SLC5A5: variants seen among roughly 807,000 people sequenced by gnomAD.
The protein encoded by SLC5A5 is solute carrier family 5 member 5, also known as sodium/iodide cotransporter.
In SLC5A5, 56 loss-of-function variants were observed where a neutral mutation model predicts 68.6. That is an observed-to-expected ratio of 0.82 (90% confidence interval 0.66 to 1.02). The LOEUF (loss-of-function observed/expected upper bound fraction) is 1.02. Among genes scored for constraint, SLC5A5 ranks in the 50% least tolerant of loss-of-function variants. SLC5A5 has a pLI of 0.00. For synonymous variants in SLC5A5, 398 were observed against 373.0 expected (o/e 1.07, Z -0.77); for missense variants, 807 against 859.8 (o/e 0.94, Z 0.77).
Position 17,882,083 on chromosome 19 carries a change from G to C in SLC5A5, c.1171+11G>C. ...TCTCCAAGGGGCTCTGTGAGTTTCA[G>C]GGAGACCTGGGTGGGAGGCCAGGGC... On this transcript the variant is annotated intron_variant, in intron 9 of 14. Coordinates refer to ENST00000222248, the MANE Select transcript of SLC5A5 (RefSeq NM_000453.3). The C allele has an allele frequency of 6.2e-7, 1 of 1,613,028 alleles. No individual in the cohort carries two copies. Among genetic ancestry groups the C allele is most frequent in the Non-Finnish European group, 8.5e-7 (1 of 1,178,960 alleles).
intron 8 of SLC5A5, 152 bp downstream of exon 8, chr19:17,881,105 TG>T (rs2094319818): frequency 2.8e-6 from 2 of 716,972 alleles, no homozygotes; most frequent in East Asian, 5.4e-5. Context: ...AGGTAGGCGC[TG>T]GCAGAGAGCA....
intron 12 of SLC5A5, 76 bp downstream of exon 12, chr19:17,884,122 A>G: frequency 1.6e-6 from 2 of 1,282,096 alleles, no homozygotes; most frequent in Non-Finnish European, 2.2e-6. Flanking sequence ...CTTGCCCTGC[A>G]CTCTGTGTAA....
Position 17,876,830 on chromosome 19 carries a change from C to G in SLC5A5, c.698+724C>G, listed in dbSNP as rs143445042. On this transcript the variant is annotated intron_variant, in intron 5 of 14. Coordinates refer to ENST00000222248, the MANE Select transcript of SLC5A5 (RefSeq NM_000453.3). Reference sequence around the variant, plus strand: ...TGAGCCGAGATGGCATCACTGCACTCCCGCCTGGTGACAGAGAGAGACTCC... The same window carrying G: ...TGAGCCGAGATGGCATCACTGCACTGCCGCCTGGTGACAGAGAGAGACTCC... 4.7e-4 allele frequency among the ~76,000 whole-genome samples: 72 copies of G among 151,626 alleles called. 2 individuals are homozygous for G. In the East Asian group the frequency reaches 0.012, roughly 24 times the overall value.
rs1280752726 is a variant in SLC5A5 at position 17,877,731 on chromosome 19, C to G, written c.707C>G (p.Pro236Arg). ...GCCCTGTCCCCACCCAGCTTTAACC[C>G]TGACCCGAGGAGCCGCTATACATTC... ...HSRINLMDFNPDPRSRYTFWT... is the reference protein window; with the variant it reads ...HSRINLMDFNRDPRSRYTFWT... Residue 236 changes from proline to arginine, a missense_variant, in exon 6 of 15, where the codon CCT becomes CGT. Transcript: ENST00000222248. 5.0e-6 allele frequency: 8 copies of G among 1,614,010 alleles called. No individual in the cohort carries two copies. The highest frequency in any genetic ancestry group is 2.7e-5 in the African/African-American group (2 of 74,946).
At chr19:17,890,030 G>C (rs2030103339) in intron 13 of SLC5A5, among the ~76,000 whole-genome samples, 1 of 152,100 alleles carries the variant, frequency 6.6e-6, no homozygotes, top group African/African-American at 2.4e-5. Context: ...ATGGAACCGT[G>C]TGCTGGACCC....
intron 12 of SLC5A5, among the ~76,000 whole-genome samples, chr19:17,886,942 G>T (rs910829436): frequency 1.3e-5 from 2 of 151,996 alleles, no homozygotes; most frequent in African/African-American, 4.8e-5. Flanking sequence ...GGGCATGGTG[G>T]TGCACACTTG....
At chr19:17,892,748 G>A (rs533255877) in intron 14 of SLC5A5, among the ~76,000 whole-genome samples, 68 of 148,068 alleles carry the variant, frequency 4.6e-4, no homozygotes, top group Non-Finnish European at 5.1e-4. Context: ...AATATTCAAA[G>A]GATAATAAAA....
chr19:17,876,425 T>TAAAAAAAAA (rs1396962727), intron 5 of SLC5A5, among the ~76,000 whole-genome samples: 1 of 105,628 alleles, frequency 9.5e-6, no homozygotes, highest in African/African-American at 5.1e-5. Context: ...AGACCCTGTC[T>TAAAAAAAAA]CAAAAAAAAA....
intron 12 of SLC5A5, among the ~76,000 whole-genome samples, chr19:17,885,790 A>G (rs535227959): frequency 2.0e-5 from 3 of 152,250 alleles, no homozygotes; most frequent in East Asian, 1.9e-4. Flanking sequence ...TTCTGTTTCT[A>G]TGAATTTGCC....
intron 12 of SLC5A5, among the ~76,000 whole-genome samples, chr19:17,885,327 G>GTTTGTTTATTTATTTATTTA (rs1555754132): frequency 1.2e-3 from 178 of 151,424 alleles, no homozygotes; most frequent in African/African-American, 4.2e-3. Flanking sequence ...TTTCTGTTTT[G>GTTTGTTTATTTATTTATTTA]TTTATTTATT....
At chr19:17,880,235 G>C (rs562445567) in intron 7 of SLC5A5, among the ~76,000 whole-genome samples, 7 of 140,250 alleles carry the variant, frequency 5.0e-5, no homozygotes, top group Non-Finnish European at 1.1e-4. Context: ...TTTTTTTTGA[G>C]ACAGAGTTTG....
intron 1 of SLC5A5, 140 bp from the exon 2 acceptor site, chr19:17,873,998 C>CG: frequency 1.4e-6 from 1 of 706,526 alleles, no homozygotes; most frequent in Non-Finnish European, 2.6e-6. Context: ...GTGCGTGCGG[C>CG]GGGGCCCCCA....
intron 12 of SLC5A5, among the ~76,000 whole-genome samples, chr19:17,885,040 T>G (rs964800921): frequency 2.7e-5 from 4 of 149,616 alleles, no homozygotes; most frequent in African/African-American, 9.9e-5. Context: ...AGGGTCTTGC[T>G]CTGTTGCCCA....
intron 4 of SLC5A5, 133 bp downstream of exon 4, chr19:17,874,864 A>G (rs1568419156): frequency 1.2e-6 from 1 of 827,786 alleles, no homozygotes; most frequent in South Asian, 1.4e-5. Context: ...TCATCTTTAT[A>G]GTGAAAAATG....
chr19:17,888,519 C>T, intron 13 of SLC5A5, 64 bp downstream of exon 13: 1 of 1,592,464 alleles, frequency 6.3e-7, no homozygotes, highest in Non-Finnish European at 8.6e-7. Flanking sequence ...CAAGGCTCCA[C>T]CCAGCAGGGA....
chr19:17,875,341 G>T (rs982241091), intron 4 of SLC5A5, among the ~76,000 whole-genome samples: 1 of 151,974 alleles, frequency 6.6e-6, no homozygotes, highest in African/African-American at 2.4e-5. Flanking sequence ...TTGCACTCCA[G>T]CCTGGGCGAC....
chr19:17,874,195 G>A lies in SLC5A5; in HGVS notation c.415G>A (p.Val139Ile). 2 of 1,609,556 alleles carry A rather than the reference G, an allele frequency of 1.2e-6. No individual in the cohort carries two copies. The highest frequency in any genetic ancestry group is 1.7e-6 in the Non-Finnish European group (2 of 1,176,562). Residue 139 changes from valine (V) to isoleucine (I), a missense_variant, in exon 2 of 15, where the codon GTA becomes ATA. Physicochemically the swap from Val to Ile is conservative, Grantham distance 29. Transcript: ENST00000222248. ...VRLCGTLQYI[V>I]ATMLYTGIVI... ...GCTCTGCGGGACTTTGCAGTACATT[G>A]TAGCCACGGTGAGTGGCCTCGGCCC...
rs1272105331 is a variant in SLC5A5, at chr19:17,880,898, G to T, written c.1003G>T (p.Asp335Tyr). ...MPLLVLDIFE[D>Y]LPGVPGLFLA... is the part of the protein sequence containing the mutation. ...TCTGCTGGTGCTGGACATCTTCGAA[G>T]ATCTGCCTGGAGTCCCCGGGCTTTT... The change falls in exon 8 of 15, where the codon GAT (aspartate) becomes TAT (tyrosine). Residue 335 changes from aspartate (D) to tyrosine (Y), a missense_variant. Coordinates refer to ENST00000222248, the MANE Select transcript of SLC5A5 (RefSeq NM_000453.3). The T allele has an allele frequency of 1.9e-6, 3 of 1,614,078 alleles. No individual in the cohort carries two copies. The highest frequency in any genetic ancestry group is 1.1e-5 in the South Asian group (1 of 91,074).
chr19:17,876,388 C>T (rs1397272552), intron 5 of SLC5A5, among the ~76,000 whole-genome samples: 1 of 148,196 alleles, frequency 6.7e-6, no homozygotes, highest in South Asian at 2.1e-4. Flanking sequence ...GATCACACTA[C>T]TGCACTCCAG....
Sources: gnomAD v4.1 joint callset for allele counts (sites outside exome capture counted in the v4.1 genomes callset) on GRCh38, gnomAD v4.1.1 for gene constraint, MANE v1.5 for transcripts, NCBI Gene and HGNC (gene_info 2026-07-23, HGNC 2026-07-21) for gene names.